MYO16: variants seen among roughly 807,000 people sequenced by gnomAD.
MYO16 encodes myosin XVI, also known as unconventional myosin-XVI.
Under a neutral mutation model 205.3 loss-of-function variants are expected in MYO16, and 94 were observed. That is an observed-to-expected ratio of 0.46 (90% confidence interval 0.39 to 0.54). The LOEUF (loss-of-function observed/expected upper bound fraction) is 0.54, where lower values mean the gene tolerates loss of function less well. Ranked by LOEUF, MYO16 falls within the 20% of genes least tolerant of loss-of-function variation. The pLI, the probability that MYO16 is intolerant of heterozygous loss-of-function variation, is 0.00. For missense variants in MYO16, 2,315 were observed against 2,387.5 expected (o/e 0.97, Z 0.63); for synonymous variants, 988 against 954.0 (o/e 1.04, Z -0.66).
At chr13:108,496,347 C>A in the MYO16 span, among the ~76,000 whole-genome samples, 1 of 152,190 alleles carries the variant, frequency 6.6e-6, no homozygotes, top group Non-Finnish European at 1.5e-5. Context: ...CGCTCCCAGG[C>A]GCGATGGGGG....
intron 10 of MYO16, among the ~76,000 whole-genome samples, chr13:108,851,810 C>T (rs1044750770): frequency 3.3e-5 from 5 of 152,144 alleles, no homozygotes; most frequent in Admixed American, 6.5e-5. Context: ...ATCTTAGCAC[C>T]GTGAAACTGG....
chr13:109,154,388 A>G (rs1015054316), intron 32 of MYO16, among the ~76,000 whole-genome samples: 3 of 152,182 alleles, frequency 2.0e-5, no homozygotes, highest in African/African-American at 7.2e-5. Context: ...CTCAAGGTCG[A>G]TGACTCATGC....
chr13:108,531,386 A>G, the MYO16 span, among the ~76,000 whole-genome samples: 1 of 152,184 alleles, frequency 6.6e-6, no homozygotes, highest in African/African-American at 2.4e-5. Context: ...AGCAGTTTCT[A>G]CGGAAGTGAG....
chr13:108,630,022 G>A lies in MYO16; in HGVS notation c.28+150G>A, dbSNP rs1879904273. 2.5e-5 allele frequency: 14 copies of A among 555,332 alleles called. No homozygotes were observed. In the East Asian group the frequency reaches 3.9e-4, roughly 15 times the overall value. 34.4% of individuals were successfully genotyped at this position (555,332 alleles called of 1,614,324 possible). A position where few individuals can be genotyped will look rare whatever the true frequency, so the allele number is the denominator to read the frequency against. On this transcript the variant is annotated intron_variant, in intron 1 of 34. Coordinates refer to ENST00000457511, the MANE Select transcript of MYO16 (RefSeq NM_001198950.3). Reference sequence around the variant, plus strand: ...ACTTAGAAGAATATTTTACAGGCTGGATATATTTCCTTTTAATTTTAGATT... The same window carrying A: ...ACTTAGAAGAATATTTTACAGGCTGAATATATTTCCTTTTAATTTTAGATT...
chr13:108,990,453 A>G (rs1050328407), intron 20 of MYO16, among the ~76,000 whole-genome samples: 1 of 152,174 alleles, frequency 6.6e-6, no homozygotes, highest in Non-Finnish European at 1.5e-5. Context: ...AAGGAGTTTA[A>G]TAGTTGAAAA....
intron 1 of MYO16, among the ~76,000 whole-genome samples, chr13:108,623,451 A>C (rs537386532): frequency 1.3e-5 from 2 of 152,304 alleles, no homozygotes; most frequent in Admixed American, 1.3e-4. Flanking sequence ...AAGAAAGTCA[A>C]ACTTGCAGCC....
At chr13:109,079,879 C>CTTTT (rs35912610) in intron 27 of MYO16, among the ~76,000 whole-genome samples, 29 of 138,414 alleles carry the variant, frequency 2.1e-4, no homozygotes, top group South Asian at 2.3e-4. Flanking sequence ...TTCTTTATTT[C>CTTTT]TTTTTTTTTT....
intron 5 of MYO16, among the ~76,000 whole-genome samples, chr13:108,791,702 G>A (rs1886621114): frequency 6.6e-6 from 1 of 152,204 alleles, no homozygotes; most frequent in African/African-American, 2.4e-5. Context: ...GCCCCATGGG[G>A]AGAAAAGATA....
intron 4 of MYO16, among the ~76,000 whole-genome samples, chr13:108,743,573 T>C (rs955147713): frequency 6.6e-6 from 1 of 152,198 alleles, no homozygotes; most frequent in African/African-American, 2.4e-5. Flanking sequence ...TATCACTCTT[T>C]TACTTCAGTA....
At chr13:108,650,821 G>C (rs888931129) in intron 1 of MYO16, among the ~76,000 whole-genome samples, 1 of 152,252 alleles carries the variant, frequency 6.6e-6, no homozygotes, top group East Asian at 1.9e-4. Flanking sequence ...GAAAAGACAG[G>C]TTCTGGTGTG....
chr13:108,845,056 T>C (rs771701280), intron 10 of MYO16, among the ~76,000 whole-genome samples: 8 of 152,136 alleles, frequency 5.3e-5, no homozygotes, highest in Non-Finnish European at 1.0e-4. Flanking sequence ...TAATGTATTT[T>C]ATTATGGCCA....
intron 23 of MYO16, among the ~76,000 whole-genome samples, chr13:109,022,638 T>C (rs62647037): frequency 0.93 from 118,275 of 127,484 alleles, 54,925 homozygotes; most frequent in South Asian, 0.95. Context: ...ATTATATATA[T>C]GCATATAAAC....
intron 1 of MYO16, among the ~76,000 whole-genome samples, chr13:108,653,358 T>G (rs947137427): frequency 6.6e-6 from 1 of 152,220 alleles, no homozygotes; most frequent in African/African-American, 2.4e-5. Context: ...GTGATGCTTA[T>G]GTACTTTTAT....
intron 27 of MYO16, among the ~76,000 whole-genome samples, chr13:109,076,002 G>C (rs1888088214): frequency 6.6e-6 from 1 of 152,174 alleles, no homozygotes; most frequent in South Asian, 2.1e-4. Flanking sequence ...TCTATTTGTA[G>C]TTTGTAGTTT....
chr13:108,999,563 T>A (rs1213957985), intron 21 of MYO16, among the ~76,000 whole-genome samples: 1 of 152,218 alleles, frequency 6.6e-6, no homozygotes, highest in East Asian at 1.9e-4. Flanking sequence ...ATAGATAGCA[T>A]GATTATTGGT....
intron 34 of MYO16, among the ~76,000 whole-genome samples, chr13:109,186,052 G>A (rs1054592355): frequency 6.6e-6 from 1 of 152,002 alleles, no homozygotes; most frequent in African/African-American, 2.4e-5. Flanking sequence ...TGTAGTCCCC[G>A]CTACTTGGGA....
At chr13:108,846,003 C>G (rs1877502467) in intron 10 of MYO16, among the ~76,000 whole-genome samples, 1 of 152,114 alleles carries the variant, frequency 6.6e-6, no homozygotes, top group Non-Finnish European at 1.5e-5. Context: ...GCCACCACAC[C>G]TGGCAAAATA....
At chr13:108,726,530 T>G (rs195244) in intron 3 of MYO16, among the ~76,000 whole-genome samples, 150,036 of 151,130 alleles carry the variant, frequency 0.99, 74,484 homozygotes, top group Middle Eastern at 1. Context: ...CTGCACTCCA[T>G]TCTGGTGACA....
At chr13:109,128,505 T>C (rs1213916574) in intron 31 of MYO16, among the ~76,000 whole-genome samples, 2 of 151,542 alleles carry the variant, frequency 1.3e-5, no homozygotes, top group Non-Finnish European at 2.9e-5. Flanking sequence ...ATCCATAAGC[T>C]CAAACGTTGG....
Sources: allele counts gnomAD v4.1 joint callset (sites outside exome capture counted in the v4.1 genomes callset), GRCh38; gene constraint gnomAD v4.1.1; transcripts MANE v1.5; gene names NCBI Gene and HGNC (gene_info 2026-07-23, HGNC 2026-07-21).